Variants in AFTPH observed in about 807,000 individuals in gnomAD.
AFTPH encodes aftiphilin.
AFTPH carries 7 observed loss-of-function variants against 72.5 expected under a neutral mutation model. That is an observed-to-expected ratio of 0.10 (90% CI 0.05 to 0.18). The LOEUF is 0.18. AFTPH is among the 10% of genes least tolerant of loss of function. The pLI, the probability that AFTPH is intolerant of heterozygous loss-of-function variation, is 1.00. For missense variants in AFTPH, 979 were observed against 1,060.5 expected, an observed-to-expected ratio of 0.92 and a Z score of 1.07; for synonymous variants, 337 against 370.1, an observed-to-expected ratio of 0.91 and a Z score of 1.03.
At chr2:64,534,742 GT>G (rs70937351) in intron 1 of AFTPH, among the ~76,000 whole-genome samples, 67,542 of 139,964 alleles carry the variant, frequency 0.48, 17,966 homozygotes, top group African/African-American at 0.76. Flanking sequence ...CTTTAAGCTT[GT>G]TTTTTTTTTT....
intron 1 of AFTPH, among the ~76,000 whole-genome samples, chr2:64,528,482 T>A (rs1020825833): frequency 6.6e-6 from 1 of 152,156 alleles, no homozygotes; most frequent in African/African-American, 2.4e-5. Context: ...AAATAAGCAA[T>A]AGCAATAATG....
chr2:64,557,749 A>C (rs972177132), intron 2 of AFTPH, among the ~76,000 whole-genome samples: 9 of 152,212 alleles, frequency 5.9e-5, no homozygotes, highest in African/African-American at 2.2e-4. Context: ...TACAACTGAA[A>C]ACAGAAGTAA....
At chr2:64,525,275 G>C (rs1669188071) in intron 1 of AFTPH, among the ~76,000 whole-genome samples, 1 of 152,244 alleles carries the variant, frequency 6.6e-6, no homozygotes, top group South Asian at 2.1e-4. Flanking sequence ...TGGTTTGGCA[G>C]GTGCTGCGTC....
intron 6 of AFTPH, among the ~76,000 whole-genome samples, chr2:64,574,869 T>C (rs543401362): frequency 3.3e-5 from 5 of 152,260 alleles, no homozygotes; most frequent in Non-Finnish European, 7.3e-5. Flanking sequence ...CTATGCATAT[T>C]TCAGAATTAC....
At chr2:64,572,305 A>G (rs1341765202) in intron 5 of AFTPH, among the ~76,000 whole-genome samples, 1 of 152,112 alleles carries the variant, frequency 6.6e-6, no homozygotes, top group Non-Finnish European at 1.5e-5. Flanking sequence ...AAGGCTGTAT[A>G]TATCTGCTTT....
chr2:64,555,555 TCA>T (rs111905151), intron 2 of AFTPH, among the ~76,000 whole-genome samples: 23,923 of 140,428 alleles, frequency 0.17, 2,588 homozygotes, highest in African/African-American at 0.34. Context: ...AGAGAGACTG[TCA>T]CACACACACA....
chr2:64,581,620 G>GA (rs897983431), intron 7 of AFTPH, among the ~76,000 whole-genome samples: 8 of 148,742 alleles, frequency 5.4e-5, no homozygotes, highest in Non-Finnish European at 1.0e-4. Context: ...AAAGCCATTT[G>GA]AAAAAAATAC....
intron 8 of AFTPH, among the ~76,000 whole-genome samples, chr2:64,587,482 G>C (rs184887077): frequency 4.6e-5 from 7 of 152,320 alleles, no homozygotes; most frequent in Non-Finnish European, 1.0e-4. Flanking sequence ...AGCATTTTTA[G>C]TATCTTATTT....
chr2:64,560,236 T>G (rs1671638874), intron 2 of AFTPH, among the ~76,000 whole-genome samples: 4 of 152,100 alleles, frequency 2.6e-5, no homozygotes. Flanking sequence ...ACCCTGGGAC[T>G]TTCTTCCACT....
chr2:64,585,585 T>TGAGATAA, intron 8 of AFTPH, 40 bp downstream of exon 9: 1 of 1,566,470 alleles, frequency 6.4e-7, no homozygotes, highest in Non-Finnish European at 8.6e-7. Flanking sequence ...TTTTGAATTC[T>TGAGATAA]GAGATAAAAC....
At position 64,565,336 on chromosome 2, in the gene AFTPH, G is replaced by A. The variant is rs576241808; in HGVS notation, c.1936-2226G>A. Among the ~76,000 whole-genome samples the A allele has an allele frequency of 1.9e-4, 29 of 151,802 alleles. 1 individual carries two copies. In the East Asian group the frequency reaches 4.7e-3, roughly 25 times the overall value. On this transcript the variant is annotated intron_variant, in intron 2 of 8. Transcript: ENST00000238856. ...TAAAAATACAAAAAATTAGCTGGGC[G>A]CGGTGGTGGGCACCTGTAGTCCCAG... is the stretch of plus-strand genomic sequence containing the variant.
intron 8 of AFTPH, among the ~76,000 whole-genome samples, chr2:64,588,364 A>G (rs1673631210): frequency 6.6e-6 from 1 of 152,080 alleles, no homozygotes; most frequent in South Asian, 2.1e-4. Context: ...GGTTGTTTTC[A>G]CTTTTTGACT....
chr2:64,545,697 G>A (rs1005842995), intron 1 of AFTPH, among the ~76,000 whole-genome samples: 3 of 116,286 alleles, frequency 2.6e-5, no homozygotes, highest in Admixed American at 1.6e-4. Context: ...TCAAAGGGTT[G>A]CATACATAAT....
intron 2 of AFTPH, among the ~76,000 whole-genome samples, chr2:64,561,270 C>T (rs886501255): frequency 6.6e-6 from 1 of 152,228 alleles, no homozygotes; most frequent in East Asian, 1.9e-4. Context: ...AAAGGTGTGA[C>T]TGAGTCACAT....
At chr2:64,572,647 GTAT>G (rs1010168925) in intron 5 of AFTPH, among the ~76,000 whole-genome samples, 3 of 152,042 alleles carry the variant, frequency 2.0e-5, no homozygotes, top group African/African-American at 7.2e-5. Context: ...GATTCTAAAG[GTAT>G]TATTGTGAAA....
intron 1 of AFTPH, among the ~76,000 whole-genome samples, chr2:64,531,813 G>A (rs1474487429): frequency 6.6e-6 from 1 of 152,080 alleles, no homozygotes; most frequent in Admixed American, 6.5e-5. Flanking sequence ...TTTAAATGTG[G>A]CTACTAGAAG....
chr2:64,532,682 C>G (rs1669692658), intron 1 of AFTPH, among the ~76,000 whole-genome samples: 1 of 152,116 alleles, frequency 6.6e-6, no homozygotes, highest in Admixed American at 6.5e-5. Context: ...AGTTTGAGAT[C>G]TTTGTGGAAT....
At chr2:64,558,621 C>T (rs1250299248) in intron 2 of AFTPH, among the ~76,000 whole-genome samples, 1 of 152,198 alleles carries the variant, frequency 6.6e-6, no homozygotes, top group East Asian at 1.9e-4. Flanking sequence ...CTAAGGAGCA[C>T]CTCCTACCAC....
intron 6 of AFTPH, among the ~76,000 whole-genome samples, chr2:64,573,310 A>G (rs1207406324): frequency 1.3e-5 from 2 of 152,170 alleles, no homozygotes; most frequent in South Asian, 2.1e-4. Flanking sequence ...TCTTAAAACT[A>G]TCCAGGCCTT....
Sources: allele counts gnomAD v4.1 joint callset (sites outside exome capture counted in the v4.1 genomes callset), GRCh38; gene constraint gnomAD v4.1.1; transcripts MANE v1.5; gene names NCBI Gene and HGNC (gene_info 2026-07-23, HGNC 2026-07-21).